Variants in RNF157 observed in about 807,000 individuals in gnomAD.
RNF157 encodes ring finger protein 157.
RNF157 carries 55 observed loss-of-function variants against 88.3 expected under a neutral mutation model. That is an observed-to-expected ratio of 0.62 (90% CI 0.50 to 0.78). The LOEUF is 0.78. RNF157 is among the 30% of genes least tolerant of loss of function. RNF157 has a pLI of 0.00. For synonymous variants in RNF157, 334 were observed against 341.2 expected (o/e 0.98, Z 0.23); for missense variants, 788 against 860.8 (o/e 0.92, Z 1.06).
In RNF157 at chr17:76,146,795, G is replaced by A. The variant is rs1255604605; in HGVS notation, c.1922-1442C>T. On this transcript the variant is annotated intron_variant, in intron 18 of 18. Coordinates refer to ENST00000269391, the MANE Select transcript of RNF157 (RefSeq NM_052916.3). The surrounding 1 kb of genome is among the most constrained non-coding windows in gnomAD (Gnocchi z 4.2). ...AGCCCAGCACAACACCTGACCCATA[G>A]GAGGACCTGTTCAGCGGACAAGGCC... 1 of 985,316 alleles carries A rather than the reference G, an allele frequency of 1.0e-6. No individual in the cohort carries two copies. The highest frequency in any genetic ancestry group is 1.7e-5 in the African/African-American group (1 of 57,250). The allele number at this position is 985,316 out of a possible 1,614,324, so 61.0% of individuals were successfully genotyped here. A position where few individuals can be genotyped will look rare whatever the true frequency, so the allele number is the denominator to read the frequency against.
In RNF157 at chr17:76,195,923, C is replaced by T. The variant is rs769995492; in HGVS notation, c.207+16441G>A. ...GTGCCATGTCAGTTTACTATTGCCA[C>T]GGCAACACCTGGAAGTTACCACCCT... On this transcript the variant is annotated intron_variant, in intron 2 of 18. Transcript: ENST00000269391. This position sits in a 1 kb window ranked among gnomAD's most constrained non-coding sequence, Gnocchi z 4.4. Among the ~76,000 whole-genome samples the T allele has an allele frequency of 3.3e-5, 5 of 152,180 alleles. No individual in the cohort carries two copies. The highest frequency in any genetic ancestry group is 2.1e-4 in the South Asian group (1 of 4,828).
Position 76,155,549 on chromosome 17 carries a change from T to C in RNF157, c.1698+13A>G. 6.2e-7 allele frequency: 1 copy of C among 1,610,554 alleles called. No homozygotes were observed. Among genetic ancestry groups the C allele is most frequent in the Non-Finnish European group, 8.5e-7 (1 of 1,178,816 alleles). On this transcript the variant is annotated intron_variant, in intron 15 of 18. Coordinates refer to ENST00000269391, the MANE Select transcript of RNF157 (RefSeq NM_052916.3). Reference sequence around the variant, plus strand: ...AACAGAGAAGCCAGGGCGGTTCCCGTCCCTTCCCTTACCTCTCCTTCTTCT... The same window carrying C: ...AACAGAGAAGCCAGGGCGGTTCCCGCCCCTTCCCTTACCTCTCCTTCTTCT...
chr17:76,194,828 A>G (rs1214930056), intron 2 of RNF157, among the ~76,000 whole-genome samples: 1 of 152,162 alleles, frequency 6.6e-6, no homozygotes, highest in South Asian at 2.1e-4. Context: ...ATCCTGGCTA[A>G]CATGGTGAAA....
intron 7 of RNF157, 26 bp from the exon 8 acceptor site, chr17:76,164,821 A>T: frequency 1.3e-6 from 2 of 1,585,966 alleles, no homozygotes; most frequent in South Asian, 1.1e-5. Flanking sequence ...GAAAGTTATG[A>T]CAAGGAAGGG....
At chr17:76,165,732 C>A (rs542320704) in intron 6 of RNF157, among the ~76,000 whole-genome samples, 187 bp from the exon 7 acceptor site, 4 of 151,882 alleles carry the variant, frequency 2.6e-5, no homozygotes, top group African/African-American at 9.7e-5. Context: ...GGCTGGAGTG[C>A]GGTGGCATGA....
Position 76,173,786 on chromosome 17 carries a change from G to A in RNF157, c.212C>T (p.Pro71Leu). Reference sequence around the variant, plus strand: ...TTCTTGGGGAGGTGGGGCGGCGTAAGGAAACTGTGTCAGAAACAAAGCAGG... The same window carrying A: ...TTCTTGGGGAGGTGGGGCGGCGTAAAGAAACTGTGTCAGAAACAAAGCAGG... ...NFLGNRPVVF[P>L]YAAPPPQEPV... The change falls in exon 3 of 19, where the codon CCT (proline) becomes CTT (leucine). Residue 71 changes from proline (P) to leucine (L), a missense_variant. Pro to Leu is a moderately conservative substitution (Grantham distance 98, BLOSUM62 -3). Transcript: ENST00000269391. 1 of 1,608,110 alleles carries A rather than the reference G, an allele frequency of 6.2e-7. No homozygotes were observed. The highest frequency in any genetic ancestry group is 8.5e-7 in the Non-Finnish European group (1 of 1,176,572).
intron 1 of RNF157, among the ~76,000 whole-genome samples, chr17:76,217,886 C>G (rs1449402591): frequency 6.6e-6 from 1 of 152,138 alleles, no homozygotes; most frequent in Non-Finnish European, 1.5e-5. Flanking sequence ...ATACACATAT[C>G]TCCAAGATTA....
chr17:76,178,908 C>T (rs546950222), intron 2 of RNF157, among the ~76,000 whole-genome samples: 5 of 152,034 alleles, frequency 3.3e-5, no homozygotes, highest in African/African-American at 1.2e-4. Flanking sequence ...TTCCCCAAGA[C>T]GCTCTGGATG....
At chr17:76,156,683 C>T (rs2068770129) in intron 13 of RNF157, among the ~76,000 whole-genome samples, 1 of 152,244 alleles carries the variant, frequency 6.6e-6, no homozygotes, top group Non-Finnish European at 1.5e-5. Context: ...CAAAAGCATA[C>T]AAAGCCAGCA....
intron 5 of RNF157, 37 bp downstream of exon 5, chr17:76,166,972 G>C (rs1418974067): frequency 1.4e-6 from 2 of 1,473,964 alleles, no homozygotes; most frequent in Non-Finnish European, 9.3e-7. Context: ...AGGCCCTTCT[G>C]AGTGGATGTG....
intron 2 of RNF157, among the ~76,000 whole-genome samples, chr17:76,190,503 T>G (rs1460723552): frequency 6.6e-6 from 1 of 150,390 alleles, no homozygotes; most frequent in African/African-American, 2.5e-5. Flanking sequence ...CTGGGCACAG[T>G]GTCCAGGGAA....
chr17:76,154,876 C>T (rs749468412), intron 16 of RNF157, among the ~76,000 whole-genome samples: 1 of 152,146 alleles, frequency 6.6e-6, no homozygotes, highest in African/African-American at 2.4e-5. Context: ...AGAAACCTCA[C>T]CACACAGGTC....
intron 2 of RNF157, among the ~76,000 whole-genome samples, chr17:76,198,562 T>G (rs1196140553): frequency 6.6e-6 from 1 of 152,220 alleles, no homozygotes; most frequent in Admixed American, 6.5e-5. Flanking sequence ...CCACACTGGT[T>G]ACCAGCATAG....
At chr17:76,204,123 T>C (rs2069637507) in intron 2 of RNF157, among the ~76,000 whole-genome samples, 1 of 152,200 alleles carries the variant, frequency 6.6e-6, no homozygotes, top group East Asian at 1.9e-4. Flanking sequence ...CCAATTTGTC[T>C]TTCCAGCCTC....
chr17:76,233,544 A>AT (rs1461162085), intron 1 of RNF157, among the ~76,000 whole-genome samples: 2 of 151,734 alleles, frequency 1.3e-5, no homozygotes, highest in African/African-American at 4.8e-5. Flanking sequence ...ATCCATTTTT[A>AT]TTTTTTTATT....
chr17:76,162,158 A>G, intron 9 of RNF157, 156 bp from the exon 10 acceptor site: 1 of 712,564 alleles, frequency 1.4e-6, no homozygotes, highest in Non-Finnish European at 2.3e-6. Context: ...GTGCGTCCAC[A>G]CACTTAGCTT....
chr17:76,216,305 CGA>C (rs939955473), intron 1 of RNF157, among the ~76,000 whole-genome samples: 1 of 151,992 alleles, frequency 6.6e-6, no homozygotes, highest in African/African-American at 2.4e-5. Context: ...TTGAACCTAG[CGA>C]GAGAGGACCC....
Position 76,165,536 on chromosome 17 carries a change from C to A in RNF157, c.638G>T (p.Gly213Val), listed in dbSNP as rs2144850301. 6.2e-7 allele frequency: 1 copy of A among 1,614,206 alleles called. No homozygotes were observed. Among genetic ancestry groups the A allele is most frequent in the East Asian group, 2.2e-5 (1 of 44,890 alleles). ...AGTACCCAGCAGTACATGGCAATGGCCAAAATACTCTGAAAGAAACAAAGG... is the reference window on the plus strand; with the variant it reads ...AGTACCCAGCAGTACATGGCAATGGACAAAATACTCTGAAAGAAACAAAGG... ...AVVDEGDEYF[G>V]HCHVLLGTFE... Residue 213 changes from glycine (G) to valine (V), a missense_variant, in exon 7 of 19, where the codon GGC (glycine) becomes GTC (valine). Gly to Val is a moderately radical substitution (Grantham distance 109). Coordinates refer to ENST00000269391, the MANE Select transcript of RNF157 (RefSeq NM_052916.3).
At chr17:76,214,679 G>A (rs1335893447) in intron 1 of RNF157, among the ~76,000 whole-genome samples, 1 of 152,096 alleles carries the variant, frequency 6.6e-6, no homozygotes, top group Non-Finnish European at 1.5e-5. Context: ...CAGTGCTAAT[G>A]GCCAGAACTG....
Sources: gnomAD v4.1 joint callset for allele counts (sites outside exome capture counted in the v4.1 genomes callset) on GRCh38, gnomAD v4.1.1 for gene constraint, Gnocchi (gnomAD v3.1) non-coding constraint, MANE v1.5 for transcripts, NCBI Gene and HGNC (gene_info 2026-07-23, HGNC 2026-07-21) for gene names.